The following SCARB1 variants were observed in gnomAD, a reference collection of about 807,000 sequenced individuals.
SCARB1 encodes CD36 and LIMPII analogous 1.
In SCARB1, 30 loss-of-function variants were observed where a neutral mutation model predicts 57.2. The observed-to-expected ratio is 0.52, with a 90% CI of 0.39 to 0.71. SCARB1 has a LOEUF of 0.71. Among genes scored for constraint, SCARB1 ranks in the 30% least tolerant of loss-of-function variants. The pLI, the probability that SCARB1 is intolerant of heterozygous loss-of-function variation, is 0.00. For missense variants in SCARB1, 543 were observed against 671.2 expected (o/e 0.81, Z 2.11); for synonymous variants, 249 against 268.3 (o/e 0.93, Z 0.70).
At chr12:124,797,786 G>GC (rs1489550802) in intron 8 of SCARB1, among the ~76,000 whole-genome samples, 1 of 152,246 alleles carries the variant, frequency 6.6e-6, no homozygotes, top group African/African-American at 2.4e-5. Flanking sequence ...GGCCGAGAGG[G>GC]CCTAGTCAGC....
chr12:124,863,578 G>C lies in SCARB1; in HGVS notation c.126+17C>G, dbSNP rs201161190. ...CCCGGGTCCGTGCGCGGACCCCCTG[G>C]GGTCTCCCTCACCCACCTTAAGGAC... is the stretch of plus-strand genomic sequence containing the variant. On this transcript the variant is annotated intron_variant, in intron 1 of 12. Coordinates refer to ENST00000261693, the MANE Select transcript of SCARB1 (RefSeq NM_005505.5). 91 of 1,600,444 alleles carry C rather than the reference G, an allele frequency of 5.7e-5. No individual in the cohort carries two copies. The East Asian group carries it at 1.4e-3, about 25-fold the overall frequency.
intron 9 of SCARB1, among the ~76,000 whole-genome samples, chr12:124,792,026 A>G (rs1314940916): frequency 6.6e-6 from 1 of 151,928 alleles, no homozygotes; most frequent in Non-Finnish European, 1.5e-5. Context: ...TAAGTAGGGT[A>G]TTGCACAGTG....
At chr12:124,828,604 G>A (rs185294921) in intron 1 of SCARB1, among the ~76,000 whole-genome samples, 7 of 152,238 alleles carry the variant, frequency 4.6e-5, no homozygotes, top group East Asian at 1.9e-4. Context: ...TCATCTCATC[G>A]AAGCAGACAC....
At chr12:124,804,055 C>T (rs1950239795) in intron 7 of SCARB1, among the ~76,000 whole-genome samples, 1 of 152,176 alleles carries the variant, frequency 6.6e-6, no homozygotes, top group Admixed American at 6.5e-5. Flanking sequence ...GTACCTACAC[C>T]CCCACTTTAA....
chr12:124,854,366 G>A (rs1952546907), intron 1 of SCARB1, among the ~76,000 whole-genome samples: 1 of 152,224 alleles, frequency 6.6e-6, no homozygotes, highest in Non-Finnish European at 1.5e-5. Context: ...AAGTGGCAGG[G>A]GTGGATGGCA....
chr12:124,820,446 C>T (rs781730021), intron 1 of SCARB1, among the ~76,000 whole-genome samples: 5 of 151,990 alleles, frequency 3.3e-5, no homozygotes, highest in African/African-American at 7.3e-5. Context: ...CCCTCGGTAA[C>T]GCCCTCCCCA....
At position 124,795,264 on chromosome 12, in the gene SCARB1, G is replaced by C; in HGVS notation, c.1133C>G (p.Thr378Arg). ...CACAGAGCAGTTCATGGGGATTCCC[G>C]TGACCTGCGGCAACAAACACAGTGA... The part of the protein sequence containing the change: ...HSLFLDIHPV[T>R]GIPMNCSVKL... Residue 378 changes from threonine to arginine, a missense_variant, in exon 9 of 13, where the codon ACG becomes AGG. Transcript: ENST00000261693. 6.2e-7 allele frequency: 1 copy of C among 1,613,448 alleles called. No individual in the cohort carries two copies. The highest frequency in any genetic ancestry group is 8.5e-7 in the Non-Finnish European group (1 of 1,179,438).
intron 12 of SCARB1, among the ~76,000 whole-genome samples, chr12:124,781,142 C>A (rs1412298449): frequency 6.6e-6 from 1 of 152,220 alleles, no homozygotes; most frequent in Non-Finnish European, 1.5e-5. Flanking sequence ...AGGAAGGGCG[C>A]CCCAGAGCTT....
intron 9 of SCARB1, among the ~76,000 whole-genome samples, chr12:124,788,680 G>A (rs1289380473): frequency 6.6e-6 from 1 of 152,174 alleles, no homozygotes; most frequent in Non-Finnish European, 1.5e-5. Flanking sequence ...TCTAAAAGAA[G>A]ATTTTTAAAA....
intron 1 of SCARB1, among the ~76,000 whole-genome samples, chr12:124,853,657 A>G (rs914582369): frequency 6.6e-6 from 1 of 152,160 alleles, no homozygotes; most frequent in African/African-American, 2.4e-5. Context: ...GGCCTCCCAA[A>G]GTGCTGGGAT....
chr12:124,857,580 C>T (rs1028212800), intron 1 of SCARB1, among the ~76,000 whole-genome samples: 1 of 152,146 alleles, frequency 6.6e-6, no homozygotes, highest in Non-Finnish European at 1.5e-5. Flanking sequence ...GAAGGGGTGG[C>T]AAGGAGCTCA....
chr12:124,837,161 C>T (rs546682205), intron 1 of SCARB1, among the ~76,000 whole-genome samples: 1 of 152,318 alleles, frequency 6.6e-6, no homozygotes, highest in Non-Finnish European at 1.5e-5. Context: ...CCTCTACTTG[C>T]TTTTTTGGAC....
chr12:124,801,837 C>CTG (rs1950142061), intron 7 of SCARB1, among the ~76,000 whole-genome samples: 1 of 151,530 alleles, frequency 6.6e-6, no homozygotes, highest in African/African-American at 2.4e-5. Context: ...AAGAGCAAGA[C>CTG]TGTGTCTCAA....
intron 1 of SCARB1, among the ~76,000 whole-genome samples, chr12:124,840,818 C>G (rs890424865): frequency 6.6e-6 from 1 of 152,152 alleles, no homozygotes; most frequent in Non-Finnish European, 1.5e-5. Context: ...TCTGCCTCCC[C>G]GCTTCCAGCC....
At chr12:124,803,435 G>A (rs890553034) in intron 7 of SCARB1, among the ~76,000 whole-genome samples, 23 of 152,102 alleles carry the variant, frequency 1.5e-4, no homozygotes, top group Non-Finnish European at 2.8e-4. Context: ...GCTGGGCATG[G>A]TAGCAACCGC....
intron 1 of SCARB1, among the ~76,000 whole-genome samples, chr12:124,852,376 G>C (rs1952446597): frequency 6.6e-6 from 1 of 152,220 alleles, no homozygotes; most frequent in Admixed American, 6.5e-5. Flanking sequence ...AGGCTTTGGG[G>C]TGTTCCCCAG....
At position 124,777,860 on chromosome 12, in the gene SCARB1, G is replaced by C. The variant is rs532684659; in HGVS notation, c.*727C>G. On this transcript the variant is annotated 3_prime_UTR_variant, in exon 13 of 13. Transcript: ENST00000261693. Reference sequence around the variant, plus strand: ...AGCCTGCGGCCACTTCGGCCAGAGAGTGGCCGGCTCAGTCCATAGGATGAT... The same window carrying C: ...AGCCTGCGGCCACTTCGGCCAGAGACTGGCCGGCTCAGTCCATAGGATGAT... 6.6e-6 allele frequency: 1 copy of C among 152,582 alleles called. No homozygotes were observed. Among genetic ancestry groups the C allele is most frequent in the South Asian group, 2.1e-4 (1 of 4,828 alleles). 9.5% of individuals were successfully genotyped at this position (152,582 alleles called of 1,614,324 possible).
chr12:124,786,153 A>C (rs746605656), intron 11 of SCARB1: 2 of 1,547,600 alleles, frequency 1.3e-6, no homozygotes, highest in South Asian at 2.3e-5. Flanking sequence ...GAACAGGCAG[A>C]GTAGTGGCAA....
rs151132463 is a variant in SCARB1 at position 124,789,967 on chromosome 12, T to C, written c.1203-2510A>G. Among the ~76,000 whole-genome samples the C allele has an allele frequency of 1.4e-3, 194 of 142,492 alleles. 1 individual carries two copies. Among genetic ancestry groups the C allele is most frequent in the Admixed American group, 2.1e-3 (29 of 13,756 alleles). The allele number at this position is 142,492 out of a possible 152,430, so 93.5% of individuals were successfully genotyped here. A position where few individuals can be genotyped will look rare whatever the true frequency, so the allele number is the denominator to read the frequency against. ...CAGAGGTTGCAGTGAGCGGAGATCA[T>C]GCCATTGCACTCCAGCCTGGCGACA... On this transcript the variant is annotated intron_variant, in intron 9 of 12. Transcript: ENST00000261693. The surrounding 1 kb of genome is among the most constrained non-coding windows in gnomAD (Gnocchi z 4.4).
Sources: gnomAD v4.1 joint callset for allele counts (sites outside exome capture counted in the v4.1 genomes callset) on GRCh38, gnomAD v4.1.1 for gene constraint, Gnocchi (gnomAD v3.1) non-coding constraint, MANE v1.5 for transcripts, NCBI Gene and HGNC (gene_info 2026-07-23, HGNC 2026-07-21) for gene names.